MYH15: variants seen among roughly 807,000 people sequenced by gnomAD.
MYH15 encodes the protein myosin-15.
MYH15 carries 227 observed loss-of-function variants against 240.5 expected under a neutral mutation model. That is an observed-to-expected ratio of 0.94 (90% confidence interval 0.85 to 1.05). The LOEUF is 1.05. Ranked by LOEUF, MYH15 falls within the 50% of genes least tolerant of loss-of-function variation. The pLI, the probability that MYH15 is intolerant of heterozygous loss-of-function variation, is 0.00. For missense variants in MYH15, 2,217 were observed against 2,247.5 expected (o/e 0.99, Z 0.27); for synonymous variants, 785 against 796.7 (o/e 0.99, Z 0.25).
intron 27 of MYH15, 130 bp from the exon 28 acceptor site, chr3:108,421,344 A>T: frequency 9.3e-7 from 1 of 1,072,234 alleles, no homozygotes; most frequent in Non-Finnish European, 1.3e-6. Context: ...CTCAGCCAGC[A>T]TTGGGAGATC....
chr3:108,416,753 A>ATT, intron 29 of MYH15, 59 bp downstream of exon 29: 2 of 1,201,720 alleles, frequency 1.7e-6, no homozygotes, highest in Non-Finnish European at 1.1e-6. Flanking sequence ...ATCAAGCACT[A>ATT]TTTTTTAAAA....
rs1409763026 is a variant in MYH15 at position 108,500,189 on chromosome 3, C to G, written c.425G>C (p.Gly142Ala). 6.2e-7 allele frequency: 1 copy of G among 1,614,050 alleles called. No homozygotes were observed. The highest frequency in any genetic ancestry group is 8.5e-7 in the Non-Finnish European group (1 of 1,179,954). The change falls in exon 4 of 41, where the codon GGG becomes GCG. Residue 142 changes from glycine (G) to alanine (A), a missense_variant. By Grantham distance (60) the Gly-to-Ala change is moderately conservative. Coordinates refer to ENST00000693548, the MANE Select transcript of MYH15 (RefSeq NM_014981.3). ...YQKEVMAAYK[G>A]KRRSEAPPHI... ...AGGGGGAGCCTCTGATCGCCTCTTC[C>G]CTTTGTAGGCGGCCATGACTTCTTT...
At chr3:108,490,102 A>G (rs1222685946) in intron 9 of MYH15, among the ~76,000 whole-genome samples, 1 of 152,138 alleles carries the variant, frequency 6.6e-6, no homozygotes, top group Non-Finnish European at 1.5e-5. Context: ...CCAGAAACAC[A>G]TGTCAAGAGT....
At chr3:108,447,264 G>T (rs547069974) in intron 21 of MYH15, among the ~76,000 whole-genome samples, 1 of 152,250 alleles carries the variant, frequency 6.6e-6, no homozygotes, top group African/African-American at 2.4e-5. Flanking sequence ...CATTATGGGA[G>T]TTACAGAAGG....
At chr3:108,531,755 C>T (rs559926082), upstream of MYH15, among the ~76,000 whole-genome samples, 152 of 149,932 alleles carry the variant, frequency 1.0e-3, no homozygotes, top group Middle Eastern at 7.0e-3. Flanking sequence ...CCAGCCTGGG[C>T]GACAGAGCGA....
chr3:108,465,564 C>T (rs990134110), intron 14 of MYH15, among the ~76,000 whole-genome samples: 1 of 152,196 alleles, frequency 6.6e-6, no homozygotes, highest in Non-Finnish European at 1.5e-5. Context: ...AAGTAGGGCT[C>T]ATGGGCTCAG....
At chr3:108,516,927 G>T (rs1441363632) in intron 1 of MYH15, among the ~76,000 whole-genome samples, 1 of 152,052 alleles carries the variant, frequency 6.6e-6, no homozygotes, top group Admixed American at 6.5e-5. Context: ...TCTGCTCCCC[G>T]CTCCCCTCCC....
chr3:108,518,031 T>C (rs1345490749), intron 1 of MYH15, among the ~76,000 whole-genome samples: 2 of 152,168 alleles, frequency 1.3e-5, no homozygotes, highest in Admixed American at 6.5e-5. Context: ...AAGGAAGGAA[T>C]CTCAAACATC....
chr3:108,538,659 A>C, the MYH15 span, among the ~76,000 whole-genome samples: 1 of 152,198 alleles, frequency 6.6e-6, no homozygotes, highest in East Asian at 1.9e-4. Context: ...AAATAAAACT[A>C]TCACTGTTTT....
rs754340451 is a variant in MYH15 at position 108,459,466 on chromosome 3, A to G, written c.1933-17T>C. 2 of 1,512,780 alleles carry G rather than the reference A, an allele frequency of 1.3e-6. No individual in the cohort carries two copies. The highest frequency in any genetic ancestry group is 2.4e-5 in the South Asian group (2 of 83,124). 93.7% of individuals were successfully genotyped at this position (1,512,780 alleles called of 1,614,324 possible). A position where few individuals can be genotyped will look rare whatever the true frequency, so the allele number is the denominator to read the frequency against. On this transcript the variant is annotated splice_polypyrimidine_tract_variant and intron_variant, in intron 17 of 40. Transcript: ENST00000693548. ...CAGGTTTTCCTAAAATGGAGACCAT[A>G]ATAAACACAAAATCACTTTGCAAAT...
At chr3:108,503,252 C>T (rs2083451697) in intron 2 of MYH15, among the ~76,000 whole-genome samples, 1 of 152,178 alleles carries the variant, frequency 6.6e-6, no homozygotes, top group South Asian at 2.1e-4. Context: ...TCACAAATCA[C>T]CTTAAGTGCT....
rs575739125 is a variant in MYH15 at position 108,424,191 on chromosome 3, C to G, written c.3703-2977G>C. On this transcript the variant is annotated intron_variant, in intron 27 of 40. Transcript: ENST00000693548. Reference sequence around the variant, plus strand: ...CCCAGTTTTTCAAGAGAGGTCTCCACGTGGTGAAGGCCAGCTGGGCTGTGT... The same window carrying G: ...CCCAGTTTTTCAAGAGAGGTCTCCAGGTGGTGAAGGCCAGCTGGGCTGTGT... 7.2e-5 allele frequency among the ~76,000 whole-genome samples: 11 copies of G among 152,320 alleles called. No homozygotes were observed. In the East Asian group the frequency reaches 2.1e-3, roughly 29 times the overall value.
At chr3:108,526,733 T>C (rs2083675167) in intron 1 of MYH15, among the ~76,000 whole-genome samples, 1 of 152,214 alleles carries the variant, frequency 6.6e-6, no homozygotes, top group South Asian at 2.1e-4. Flanking sequence ...TGGAAGGGTC[T>C]GGCTGACACT....
intron 11 of MYH15, among the ~76,000 whole-genome samples, chr3:108,480,293 G>C (rs961004684): frequency 3.9e-5 from 6 of 152,180 alleles, no homozygotes. Flanking sequence ...ACAATGAACA[G>C]CACGACTTGA....
chr3:108,424,009 C>T (rs1321112300), intron 27 of MYH15, among the ~76,000 whole-genome samples: 1 of 152,086 alleles, frequency 6.6e-6, no homozygotes, highest in African/African-American at 2.4e-5. Flanking sequence ...TTAACTGAGC[C>T]AGGAGGAACA....
At chr3:108,510,361 C>T (rs1576276677) in intron 1 of MYH15, 82 bp downstream of exon 1, 3 of 1,518,170 alleles carry the variant, frequency 2.0e-6, no homozygotes, top group East Asian at 4.5e-5. Flanking sequence ...GAACTGATGG[C>T]TCTTCTCTGT....
At chr3:108,500,376 A>G (rs1395611878) in intron 3 of MYH15, 102 bp from the exon 4 acceptor site, 2 of 1,271,360 alleles carry the variant, frequency 1.6e-6, no homozygotes, top group African/African-American at 3.0e-5. Context: ...TATTACTTAT[A>G]AAGGAACTCA....
intron 9 of MYH15, among the ~76,000 whole-genome samples, chr3:108,491,312 G>A (rs1052064618): frequency 6.6e-6 from 1 of 152,184 alleles, no homozygotes; most frequent in African/African-American, 2.4e-5. Flanking sequence ...AGTGCCTGGT[G>A]TACACATAGC....
chr3:108,401,052 C>G (rs542649538), intron 33 of MYH15, among the ~76,000 whole-genome samples: 1 of 152,294 alleles, frequency 6.6e-6, no homozygotes, highest in South Asian at 2.1e-4. Context: ...GTTGGTATCT[C>G]ATGCCTGTCC....
Sources: allele counts gnomAD v4.1 joint callset (sites outside exome capture counted in the v4.1 genomes callset), GRCh38; gene constraint gnomAD v4.1.1; transcripts MANE v1.5; gene names NCBI Gene and HGNC (gene_info 2026-07-23, HGNC 2026-07-21).